Variants in CAMTA1 observed in about 807,000 individuals in gnomAD.
CAMTA1 encodes the protein calmodulin binding transcription activator 1, also known as calmodulin-binding transcription activator 1.
A neutral mutation model predicts 170.9 loss-of-function variants in CAMTA1; 27 were observed. That is an observed-to-expected ratio of 0.16 (90% confidence interval 0.12 to 0.22). CAMTA1 has a LOEUF of 0.22. CAMTA1 is among the 10% of genes least tolerant of loss of function. The probability of loss-of-function intolerance (pLI) is 1.00; values close to 1 mark genes in which losing one functional copy is unlikely to be tolerated. For synonymous variants in CAMTA1, 833 were observed against 891.5 expected (o/e 0.93, Z 1.17); for missense variants, 1,619 against 2,217.2 (o/e 0.73, Z 5.42).
At chr1:7,214,068 C>T (rs1381329868) in intron 4 of CAMTA1, among the ~76,000 whole-genome samples, 1 of 152,152 alleles carries the variant, frequency 6.6e-6, no homozygotes, top group Non-Finnish European at 1.5e-5. Flanking sequence ...ACAATAAACA[C>T]ACATGTGCAT....
chr1:7,017,268 C>T (rs1700698779), intron 3 of CAMTA1, among the ~76,000 whole-genome samples: 1 of 152,186 alleles, frequency 6.6e-6, no homozygotes, highest in African/African-American at 2.4e-5. Flanking sequence ...GTTGCTTCCC[C>T]TTTCTGGTCT....
At chr1:7,327,406 C>CAAAAAAAAA (rs34737058) in intron 5 of CAMTA1, among the ~76,000 whole-genome samples, 2 of 87,900 alleles carry the variant, frequency 2.3e-5, no homozygotes, top group Non-Finnish European at 2.2e-5. Flanking sequence ...GACTCCATCT[C>CAAAAAAAAA]AAAAAAAAAA....
intron 3 of CAMTA1, among the ~76,000 whole-genome samples, chr1:6,966,970 G>A (rs1054408213): frequency 6.6e-6 from 1 of 151,446 alleles, no homozygotes; most frequent in African/African-American, 2.4e-5. Context: ...GACTGGGCAC[G>A]GTGGCTCACG....
chr1:6,874,563 A>T (rs778429864), intron 3 of CAMTA1: 1 of 152,238 alleles, frequency 6.6e-6, no homozygotes, highest in African/African-American at 2.4e-5. Flanking sequence ...ATTCCCCAGT[A>T]GTCTTCTAAC....
intron 3 of CAMTA1, among the ~76,000 whole-genome samples, chr1:6,915,231 CAT>C (rs1440474740): frequency 6.6e-6 from 1 of 152,154 alleles, no homozygotes; most frequent in African/African-American, 2.4e-5. Flanking sequence ...AAAAGAAAAG[CAT>C]ATATTTATGA....
intron 3 of CAMTA1, among the ~76,000 whole-genome samples, chr1:6,972,878 T>C (rs572043468): frequency 6.6e-6 from 1 of 152,120 alleles, no homozygotes; most frequent in South Asian, 2.1e-4. Flanking sequence ...TGAGACGGAG[T>C]GTTGCTCTGT....
chr1:7,072,697 C>T (rs894889502), intron 3 of CAMTA1, among the ~76,000 whole-genome samples: 1 of 152,160 alleles, frequency 6.6e-6, no homozygotes, highest in Non-Finnish European at 1.5e-5. Context: ...GGAGGCCTTA[C>T]CCAGAAGGGA....
At chr1:7,395,119 G>A (rs2089177740) in intron 5 of CAMTA1, among the ~76,000 whole-genome samples, 1 of 152,150 alleles carries the variant, frequency 6.6e-6, no homozygotes, top group African/African-American at 2.4e-5. Context: ...CTGACCTCGG[G>A]TGATCCACCC....
chr1:6,878,954 T>C (rs1670695925), intron 3 of CAMTA1, among the ~76,000 whole-genome samples: 1 of 152,256 alleles, frequency 6.6e-6, no homozygotes. Flanking sequence ...ATTTTCTACT[T>C]GGTAGAACCA....
chr1:7,029,488 C>CAAAAA (rs55736306), intron 3 of CAMTA1, among the ~76,000 whole-genome samples: 1 of 63,824 alleles, frequency 1.6e-5, no homozygotes, highest in Non-Finnish European at 2.9e-5. Flanking sequence ...GACTCTGTCT[C>CAAAAA]AAAAAAAAAA....
chr1:7,308,138 TTATC>T (rs1334705991), intron 5 of CAMTA1, among the ~76,000 whole-genome samples: 1 of 152,040 alleles, frequency 6.6e-6, no homozygotes, highest in Non-Finnish European at 1.5e-5. Context: ...GTTGTAGAAT[TTATC>T]TATGTGAAGT....
chr1:7,007,020 A>C lies in CAMTA1; in HGVS notation c.235-84284A>C, dbSNP rs4908584. On this transcript the variant is annotated intron_variant, in intron 3 of 22. Coordinates refer to ENST00000303635, the MANE Select transcript of CAMTA1 (RefSeq NM_015215.4). The surrounding 1 kb of genome is among the most constrained non-coding windows in gnomAD (Gnocchi z 4.5). ...AGATGGTAGTAAAAAAAAAAAAAAA[A>C]AATAAGAATTTTTGGATACGGTATT... Among the ~76,000 whole-genome samples, 92,851 of 150,310 alleles carry C rather than the reference A, an allele frequency of 0.62. 29,971 individuals carry two copies. Among genetic ancestry groups the C allele is most frequent in the African/African-American group, 0.83 (33,765 of 40,818 alleles).
chr1:7,623,530 G>A (rs2095612902), intron 6 of CAMTA1, among the ~76,000 whole-genome samples: 1 of 152,174 alleles, frequency 6.6e-6, no homozygotes, highest in Non-Finnish European at 1.5e-5. Context: ...CACTAAGAAG[G>A]CACCTCGCCC....
chr1:7,274,540 A>T (rs1309200803), intron 5 of CAMTA1, among the ~76,000 whole-genome samples: 1 of 152,222 alleles, frequency 6.6e-6, no homozygotes, highest in East Asian at 1.9e-4. Context: ...AGGAGACAGG[A>T]AATCAGTAAG....
chr1:7,726,698 G>A (rs1322132807), intron 11 of CAMTA1, among the ~76,000 whole-genome samples: 1 of 152,124 alleles, frequency 6.6e-6, no homozygotes, highest in Non-Finnish European at 1.5e-5. Context: ...GAGTTCACTC[G>A]CTGCAGCAAA....
intron 6 of CAMTA1, among the ~76,000 whole-genome samples, chr1:7,519,458 G>T (rs2094331054): frequency 6.6e-6 from 1 of 151,960 alleles, no homozygotes; most frequent in East Asian, 1.9e-4. Flanking sequence ...GATCCCTTTG[G>T]AGGCATTCAA....
intron 6 of CAMTA1, among the ~76,000 whole-genome samples, chr1:7,566,205 G>A (rs181126736): frequency 5.3e-5 from 8 of 152,202 alleles, no homozygotes; most frequent in Admixed American, 2.0e-4. Context: ...GGTGCGAGCC[G>A]GGCTGGGCCC....
intron 3 of CAMTA1, among the ~76,000 whole-genome samples, chr1:6,828,021 C>G (rs1647804046): frequency 6.6e-6 from 1 of 152,150 alleles, no homozygotes; most frequent in Admixed American, 6.5e-5. Flanking sequence ...ATCTCACTCC[C>G]TGTACAGCAT....
At chr1:7,704,809 C>G (rs1247136733) in intron 11 of CAMTA1, among the ~76,000 whole-genome samples, 1 of 145,226 alleles carries the variant, frequency 6.9e-6, no homozygotes, top group Non-Finnish European at 1.5e-5. Flanking sequence ...TGGGCCGGGC[C>G]GGGCGGGGCC....
Sources: allele counts gnomAD v4.1 joint callset (sites outside exome capture counted in the v4.1 genomes callset), GRCh38; gene constraint gnomAD v4.1.1; non-coding constraint Gnocchi (gnomAD v3.1); transcripts MANE v1.5; gene names NCBI Gene and HGNC (gene_info 2026-07-23, HGNC 2026-07-21).